Variants in NOL4 observed in about 807,000 individuals in gnomAD.
The protein encoded by NOL4 is nucleolar protein 4, also known as cancer/testis antigen 125.
In NOL4, 17 loss-of-function variants were observed where a neutral mutation model predicts 75.9. The ratio of observed to expected loss-of-function variants is 0.22; its 90% CI spans 0.15 to 0.34. NOL4 has a LOEUF of 0.34. Among genes scored for constraint, NOL4 ranks in the 10% least tolerant of loss-of-function variants. NOL4 has a pLI of 1.00. For missense variants in NOL4, 614 were observed against 793.5 expected (o/e 0.77, Z 2.72); for synonymous variants, 292 against 289.9 (o/e 1.01, Z -0.07).
chr18:33,974,443 T>G (rs181312515), intron 6 of NOL4, among the ~76,000 whole-genome samples: 247 of 152,284 alleles, frequency 1.6e-3, no homozygotes, highest in African/African-American at 5.6e-3. Context: ...GGACTTTTAA[T>G]TTTCTTCAGA....
At chr18:34,183,262 A>G (rs2034188349) in intron 1 of NOL4, among the ~76,000 whole-genome samples, 1 of 139,324 alleles carries the variant, frequency 7.2e-6, no homozygotes, top group South Asian at 2.7e-4. Flanking sequence ...TCACCAAATA[A>G]AATATGTGGA....
chr18:34,090,834 C>A (rs943158111), intron 5 of NOL4, among the ~76,000 whole-genome samples: 1 of 152,030 alleles, frequency 6.6e-6, no homozygotes, highest in Non-Finnish European at 1.5e-5. Context: ...GTGGAAATAA[C>A]GGGAAAACTC....
chr18:34,087,408 T>A (rs1309505411), intron 5 of NOL4, among the ~76,000 whole-genome samples: 2 of 152,086 alleles, frequency 1.3e-5, no homozygotes, highest in Admixed American at 1.3e-4. Flanking sequence ...AGTCAAGAGA[T>A]ACACAATGTA....
intron 5 of NOL4, among the ~76,000 whole-genome samples, chr18:34,062,619 T>G (rs1452513097): frequency 6.6e-6 from 1 of 152,146 alleles, no homozygotes; most frequent in Non-Finnish European, 1.5e-5. Flanking sequence ...CTGGTTTGAA[T>G]GCAGAATGTG....
chr18:34,032,789 C>T (rs1456016539), intron 5 of NOL4, among the ~76,000 whole-genome samples: 1 of 152,110 alleles, frequency 6.6e-6, no homozygotes, highest in East Asian at 1.9e-4. Context: ...CAGGGTACAC[C>T]ACTCTGGGAC....
At chr18:34,071,468 C>CACACAG (rs1018199672) in intron 5 of NOL4, among the ~76,000 whole-genome samples, 3 of 151,596 alleles carry the variant, frequency 2.0e-5, no homozygotes, top group African/African-American at 7.3e-5. Context: ...CACACACACA[C>CACACAG]AGATGATCCC....
intron 8 of NOL4, among the ~76,000 whole-genome samples, chr18:33,947,096 A>G (rs2068887737): frequency 6.6e-6 from 1 of 151,744 alleles, no homozygotes; most frequent in Non-Finnish European, 1.5e-5. Context: ...AGTTTAAAAA[A>G]ATTTCTCTAT....
At chr18:34,129,841 A>G (rs1047323067) in intron 2 of NOL4, 30 bp downstream of exon 2, 1 of 1,521,248 alleles carries the variant, frequency 6.6e-7, no homozygotes, top group Admixed American at 2.2e-5. Context: ...CTCGAAATGC[A>G]TGCTCTTTTT....
At chr18:34,003,850 G>C (rs1410225064) in intron 6 of NOL4, among the ~76,000 whole-genome samples, 1 of 151,974 alleles carries the variant, frequency 6.6e-6, no homozygotes, top group Admixed American at 6.6e-5. Context: ...CTGAAACCTA[G>C]TTCAGGGCAT....
intron 4 of NOL4, among the ~76,000 whole-genome samples, chr18:34,095,246 T>A (rs2078717391): frequency 7.3e-6 from 1 of 136,572 alleles, no homozygotes; most frequent in Admixed American, 7.5e-5. Flanking sequence ...TAAATTCTAA[T>A]GTGTATGTGT....
At chr18:34,001,328 T>A (rs2073688657) in intron 6 of NOL4, among the ~76,000 whole-genome samples, 1 of 152,122 alleles carries the variant, frequency 6.6e-6, no homozygotes, top group Non-Finnish European at 1.5e-5. Context: ...GGACTGTAGG[T>A]TTGTTCTACT....
chr18:34,201,234 G>A (rs1211633575), intron 1 of NOL4, among the ~76,000 whole-genome samples: 1 of 151,602 alleles, frequency 6.6e-6, no homozygotes, highest in African/African-American at 2.4e-5. Context: ...ACTATATACT[G>A]GGCATTTTCT....
At chr18:33,891,838 A>G (rs912751096) in intron 9 of NOL4, among the ~76,000 whole-genome samples, 6 of 152,184 alleles carry the variant, frequency 3.9e-5, no homozygotes, top group African/African-American at 1.4e-4. Context: ...TGCACTAAGT[A>G]GCCAGATAAT....
chr18:33,852,513 T>C lies in NOL4; in HGVS notation c.*329A>G, dbSNP rs761103606. ...AAATTCCACTAATATTTCAGCTGGA[T>C]CTTGAACTATTGTTTTATACCACAA... On this transcript the variant is annotated 3_prime_UTR_variant, in exon 11 of 11. Transcript: ENST00000261592. 9 of 169,546 alleles carry C rather than the reference T, an allele frequency of 5.3e-5. No individual in the cohort carries two copies. Among genetic ancestry groups the C allele is most frequent in the Admixed American group, 6.4e-5 (1 of 15,526 alleles). 10.5% of individuals were successfully genotyped at this position (169,546 alleles called of 1,614,324 possible). A position where few individuals can be genotyped will look rare whatever the true frequency, so the allele number is the denominator to read the frequency against.
At chr18:34,130,600 G>C (rs1444840259) in intron 1 of NOL4, among the ~76,000 whole-genome samples, 2 of 151,938 alleles carry the variant, frequency 1.3e-5, no homozygotes, top group Non-Finnish European at 2.9e-5. Context: ...TCTTCTACTT[G>C]GAAGCAGCAT....
At chr18:33,922,158 A>G (rs1251619600) in intron 9 of NOL4, among the ~76,000 whole-genome samples, 1 of 152,208 alleles carries the variant, frequency 6.6e-6, no homozygotes, top group East Asian at 1.9e-4. Context: ...GAGACACTCA[A>G]TCAACCATAT....
chr18:33,984,421 C>G (rs1236226792), intron 6 of NOL4, among the ~76,000 whole-genome samples: 2 of 152,050 alleles, frequency 1.3e-5, no homozygotes, highest in African/African-American at 4.8e-5. Context: ...TGTGTCCCCA[C>G]CCAAATCTCA....
intron 1 of NOL4, among the ~76,000 whole-genome samples, chr18:34,184,044 A>G (rs1459184119): frequency 1.3e-5 from 2 of 151,888 alleles, no homozygotes; most frequent in African/African-American, 4.8e-5. Context: ...AGAATGAAAT[A>G]AAGTTAACTA....
chr18:33,995,539 T>C (rs1235254134), intron 6 of NOL4, among the ~76,000 whole-genome samples: 1 of 151,592 alleles, frequency 6.6e-6, no homozygotes, highest in Non-Finnish European at 1.5e-5. Flanking sequence ...TCCAACATCA[T>C]TTCATGAGAA....
Sources: allele counts gnomAD v4.1 joint callset (sites outside exome capture counted in the v4.1 genomes callset), GRCh38; gene constraint gnomAD v4.1.1; transcripts MANE v1.5; gene names NCBI Gene and HGNC (gene_info 2026-07-23, HGNC 2026-07-21).